The following PIEZO2 variants were observed in gnomAD, a reference collection of about 807,000 sequenced individuals.
PIEZO2 encodes piezo type mechanosensitive ion channel component 2.
Under a neutral mutation model 337.3 loss-of-function variants are expected in PIEZO2, and 172 were observed. The observed-to-expected ratio is 0.51, with a 90% CI of 0.45 to 0.58. The LOEUF (loss-of-function observed/expected upper bound fraction) is 0.58, where lower values mean the gene tolerates loss of function less well. PIEZO2 is among the 20% of genes least tolerant of loss of function. The pLI, the probability that PIEZO2 is intolerant of heterozygous loss-of-function variation, is 0.00. For missense variants in PIEZO2, 3,028 were observed against 3,391.3 expected, an observed-to-expected ratio of 0.89 and a Z score of 2.66; for synonymous variants, 1,251 against 1,228.5, an observed-to-expected ratio of 1.02 and a Z score of -0.38.
intron 3 of PIEZO2, among the ~76,000 whole-genome samples, chr18:10,959,378 T>A (rs188126208): frequency 1.3e-5 from 2 of 152,328 alleles, no homozygotes; most frequent in Non-Finnish European, 2.9e-5. Context: ...TGTTAAATAA[T>A]AATTTAAGTT....
Position 10,670,687 on chromosome 18 carries a change from T to G in PIEZO2, c.*840A>C, listed in dbSNP as rs2033731702. 6.6e-6 allele frequency: 1 copy of G among 152,504 alleles called. No individual in the cohort carries two copies. Among genetic ancestry groups the G allele is most frequent in the Non-Finnish European group, 1.5e-5 (1 of 68,024 alleles). 9.4% of individuals were successfully genotyped at this position (152,504 alleles called of 1,614,324 possible). A position where few individuals can be genotyped will look rare whatever the true frequency, so the allele number is the denominator to read the frequency against. On this transcript the variant is annotated 3_prime_UTR_variant, in exon 56 of 56. Coordinates refer to ENST00000674853, the MANE Select transcript of PIEZO2 (RefSeq NM_001378183.1). ...GAAGAGCGGTCCTGACCTCAGTTAT[T>G]AAAGAGTTACAAAGTATTCTAGGTC...
chr18:10,907,357 C>T (rs1000166691), intron 4 of PIEZO2, among the ~76,000 whole-genome samples: 1 of 151,718 alleles, frequency 6.6e-6, no homozygotes, highest in East Asian at 1.9e-4. Flanking sequence ...GCAGGAGAAT[C>T]GCCTGAACCC....
intron 5 of PIEZO2, among the ~76,000 whole-genome samples, chr18:10,858,380 A>G (rs939413747): frequency 1.3e-5 from 2 of 151,678 alleles, no homozygotes; most frequent in East Asian, 3.9e-4. Flanking sequence ...TCATAAATAA[A>G]GCCATCACCT....
chr18:10,929,037 A>T lies in PIEZO2; in HGVS notation c.287-17809T>A. Among the ~76,000 whole-genome samples the T allele has an allele frequency of 6.6e-6, 1 of 152,118 alleles. No homozygotes were observed. Among genetic ancestry groups the T allele is most frequent in the Non-Finnish European group, 1.5e-5 (1 of 68,026 alleles). Reference sequence around the variant, plus strand: ...GATTTTTTGGTTTGTCTCACTGCTGACTCAAAATGATTTACGGTACTTTGC... The same window carrying T: ...GATTTTTTGGTTTGTCTCACTGCTGTCTCAAAATGATTTACGGTACTTTGC... On this transcript the variant is annotated intron_variant, in intron 3 of 55. Transcript: ENST00000674853. This position sits in a 1 kb window ranked among gnomAD's most constrained non-coding sequence, Gnocchi z 5.6.
intron 30 of PIEZO2, among the ~76,000 whole-genome samples, chr18:10,745,250 C>T (rs1229460831): frequency 6.6e-6 from 1 of 152,156 alleles, no homozygotes; most frequent in Non-Finnish European, 1.5e-5. Context: ...CTGGGGGACA[C>T]GAAATTCCTG....
intron 24 of PIEZO2, among the ~76,000 whole-genome samples, chr18:10,760,582 G>C (rs1349064138): frequency 6.6e-6 from 1 of 152,212 alleles, no homozygotes; most frequent in African/African-American, 2.4e-5. Context: ...TGGGATTACA[G>C]GCGTGAGCCA....
Position 10,872,371 on chromosome 18 carries a change from T to C in PIEZO2, c.330-956A>G, listed in dbSNP as rs958504949. The stretch of plus-strand genomic sequence containing the variant: ...CAACTGGAAAAGGAGGAGAGATCTG[T>C]CTGGGAAGGTAATACAAACGCCATC... On this transcript the variant is annotated intron_variant, in intron 4 of 55. Transcript: ENST00000674853. The surrounding 1 kb of genome is among the most constrained non-coding windows in gnomAD (Gnocchi z 4.3). Among the ~76,000 whole-genome samples, 1 of 152,144 alleles carries C rather than the reference T, an allele frequency of 6.6e-6. No individual in the cohort carries two copies. Among genetic ancestry groups the C allele is most frequent in the South Asian group, 2.1e-4 (1 of 4,832 alleles).
chr18:11,085,969 A>G (rs1237725879), intron 1 of PIEZO2, among the ~76,000 whole-genome samples: 1 of 152,136 alleles, frequency 6.6e-6, no homozygotes, highest in Admixed American at 6.5e-5. Flanking sequence ...GACAGACACT[A>G]TAAATTAATC....
intron 2 of PIEZO2, among the ~76,000 whole-genome samples, chr18:10,996,154 G>C (rs1273247169): frequency 1.3e-5 from 2 of 152,150 alleles, no homozygotes; most frequent in Non-Finnish European, 2.9e-5. Flanking sequence ...GGAAGCATAA[G>C]AAAAGGAGAA....
At chr18:11,145,616 G>T (rs1253381858) in intron 1 of PIEZO2, among the ~76,000 whole-genome samples, 2 of 152,194 alleles carry the variant, frequency 1.3e-5, no homozygotes, top group African/African-American at 4.8e-5. Flanking sequence ...ATGCGCAGGA[G>T]AGAAACCTGA....
In PIEZO2 at chr18:11,047,828, A is replaced by G. The variant is rs1281643931; in HGVS notation, c.160+18299T>C. 6.6e-6 allele frequency among the ~76,000 whole-genome samples: 1 copy of G among 152,168 alleles called. No individual in the cohort carries two copies. Among genetic ancestry groups the G allele is most frequent in the Non-Finnish European group, 1.5e-5 (1 of 68,028 alleles). On this transcript the variant is annotated intron_variant, in intron 2 of 55. Coordinates refer to ENST00000674853, the MANE Select transcript of PIEZO2 (RefSeq NM_001378183.1). The surrounding 1 kb of genome is among the most constrained non-coding windows in gnomAD (Gnocchi z 7.2). The stretch of plus-strand genomic sequence containing the variant: ...GACCCCAGGGAATGCGAATATAATG[A>G]TGATGACATTGATGTTTGAGGGTGA...
At position 10,750,479 on chromosome 18, in the gene PIEZO2, C is replaced by T. The variant is rs374238162; in HGVS notation, c.4168-292G>A. ...TCTTGGACGATCATAGAAATAAATC[C>T]CAACTCTGTGATAATGAATGGGTGT... On this transcript the variant is annotated intron_variant, in intron 28 of 55. Transcript: ENST00000674853. The surrounding 1 kb of genome is among the most constrained non-coding windows in gnomAD (Gnocchi z 4.1). Among the ~76,000 whole-genome samples, 1 of 152,122 alleles carries T rather than the reference C, an allele frequency of 6.6e-6. No individual in the cohort carries two copies. Among genetic ancestry groups the T allele is most frequent in the Non-Finnish European group, 1.5e-5 (1 of 68,020 alleles).
rs1273125059 is a variant in PIEZO2, at chr18:11,051,388, G to T, written c.160+14739C>A. Among the ~76,000 whole-genome samples the T allele has an allele frequency of 3.7e-5, 5 of 133,882 alleles. No homozygotes were observed. In the South Asian group the frequency reaches 1.2e-3, roughly 32 times the overall value. The allele number at this position is 133,882 out of a possible 152,430, so 87.8% of individuals were successfully genotyped here. ...GTGTGTGGGTGTGGGTGTGGGTGTG[G>T]GTGTAACATAAACATTTCATATACG... On this transcript the variant is annotated intron_variant, in intron 2 of 55. Transcript: ENST00000674853.
At chr18:10,916,382 G>GC (rs1212728190) in intron 3 of PIEZO2, among the ~76,000 whole-genome samples, 2 of 152,156 alleles carry the variant, frequency 1.3e-5, no homozygotes, top group African/African-American at 4.8e-5. Flanking sequence ...GCAGCCAACC[G>GC]CGGTAGGGCT....
chr18:11,019,699 CT>C (rs1180374565), intron 2 of PIEZO2, among the ~76,000 whole-genome samples: 1 of 152,140 alleles, frequency 6.6e-6, no homozygotes, highest in Non-Finnish European at 1.5e-5. Flanking sequence ...ACTTACCCCC[CT>C]ACCCCAACAC....
intron 1 of PIEZO2, among the ~76,000 whole-genome samples, chr18:11,106,262 ATT>A (rs34892450): frequency 2.1e-4 from 24 of 114,638 alleles, no homozygotes; most frequent in African/African-American, 3.5e-4. Context: ...AATTTTTTGT[ATT>A]TTTTTTTTTT....
intron 3 of PIEZO2, among the ~76,000 whole-genome samples, chr18:10,972,209 G>A (rs264240): frequency 0.5 from 74,174 of 149,132 alleles, 18,593 homozygotes; most frequent in Middle Eastern, 0.54. Flanking sequence ...AGAGATAATA[G>A]CAGCAGAGTG....
chr18:10,724,838 G>A lies in PIEZO2; in HGVS notation c.5029+6569C>T, dbSNP rs1194949925. The A allele has an allele frequency of 1.9e-6, 3 of 1,600,068 alleles. No homozygotes were observed. Among genetic ancestry groups the A allele is most frequent in the Non-Finnish European group, 2.6e-6 (3 of 1,172,992 alleles). On this transcript the variant is annotated intron_variant, in intron 36 of 55. Transcript: ENST00000674853. The surrounding 1 kb of genome is among the most constrained non-coding windows in gnomAD (Gnocchi z 5.8). ...TTCTCACAGATGCACCTGGGCCACG[G>A]CGGCCACATGCGTCGCAGTGAGAGC...
chr18:10,703,710 T>C (rs2035438419), intron 42 of PIEZO2, among the ~76,000 whole-genome samples: 1 of 151,948 alleles, frequency 6.6e-6, no homozygotes, highest in Non-Finnish European at 1.5e-5. Context: ...ATGGTTTTCA[T>C]GGGCATTCGT....
Sources: allele counts gnomAD v4.1 joint callset (sites outside exome capture counted in the v4.1 genomes callset), GRCh38; gene constraint gnomAD v4.1.1; non-coding constraint Gnocchi (gnomAD v3.1); transcripts MANE v1.5; gene names NCBI Gene and HGNC (gene_info 2026-07-23, HGNC 2026-07-21).